Variants in CEP192 observed in about 807,000 individuals in gnomAD.
CEP192 encodes the protein centrosomal protein 192.
Under a neutral mutation model 271.8 loss-of-function variants are expected in CEP192, and 151 were observed. The ratio of observed to expected loss-of-function variants is 0.56; its 90% CI spans 0.49 to 0.64. The LOEUF (loss-of-function observed/expected upper bound fraction) is 0.64, where lower values mean the gene tolerates loss of function less well. Among genes scored for constraint, CEP192 ranks in the 30% least tolerant of loss-of-function variants. CEP192 has a pLI of 0.00. For missense variants in CEP192, 2,910 were observed against 3,020.5 expected, an observed-to-expected ratio of 0.96 and a Z score of 0.86; for synonymous variants, 995 against 1,076.5, an observed-to-expected ratio of 0.92 and a Z score of 1.48.
At chr18:12,991,588 A>AG (rs2032849947) in intron 1 of CEP192, among the ~76,000 whole-genome samples, 151 bp downstream of exon 1, 3 of 152,260 alleles carry the variant, frequency 2.0e-5, no homozygotes, top group African/African-American at 7.2e-5. Flanking sequence ...GGCGCGAGCA[A>AG]GGGGACTGCC....
At chr18:13,034,956 A>G (rs972132267) in intron 11 of CEP192, among the ~76,000 whole-genome samples, 2 of 152,112 alleles carry the variant, frequency 1.3e-5, no homozygotes, top group Non-Finnish European at 2.9e-5. Context: ...TGGGGGAAAC[A>G]CAAATGGGCT....
rs2037794573 is a variant in CEP192 at position 13,067,874 on chromosome 18, C to T, written c.4532C>T (p.Thr1511Ile). The stretch of plus-strand genomic sequence containing the variant: ...GACGTTCTTGATTTTGGTGACTTGA[C>T]TTATGGAGGCTGGAAAGCCCTCCCA... ...KKDVLDFGDL[T>I]YGGWKALPLK... Residue 1511 changes from threonine (T) to isoleucine (I), a missense_variant, in exon 22 of 45, where the codon ACT becomes ATT. Physicochemically the swap from Thr to Ile is moderately conservative, Grantham distance 89. Transcript: ENST00000506447. The T allele has an allele frequency of 6.2e-7, 1 of 1,612,588 alleles. No homozygotes were observed. The highest frequency in any genetic ancestry group is 1.3e-5 in the African/African-American group (1 of 74,910).
chr18:13,002,304 G>C (rs1397618487), intron 3 of CEP192, among the ~76,000 whole-genome samples: 3 of 139,310 alleles, frequency 2.2e-5, no homozygotes, highest in African/African-American at 8.6e-5. Context: ...TACAAAATAA[G>C]ATTAAGCTCT....
intron 3 of CEP192, among the ~76,000 whole-genome samples, chr18:13,003,472 A>G (rs2033783338): frequency 7.2e-6 from 1 of 138,546 alleles, no homozygotes; most frequent in Non-Finnish European, 1.6e-5. Context: ...AAAAAAAAAA[A>G]GAAGATATGA....
chr18:13,079,743 TTTC>T (rs2038490686), intron 30 of CEP192, among the ~76,000 whole-genome samples: 1 of 152,210 alleles, frequency 6.6e-6, no homozygotes, highest in Non-Finnish European at 1.5e-5. Context: ...TTGCCTAGGT[TTTC>T]TTCTAGGGTT....
At chr18:13,048,218 T>G (rs760113739) in intron 15 of CEP192, among the ~76,000 whole-genome samples, 1 of 152,218 alleles carries the variant, frequency 6.6e-6, no homozygotes, top group African/African-American at 2.4e-5. Context: ...TTATATGTCT[T>G]TCTTAGTAGC....
Position 13,095,592 on chromosome 18 carries a change from G to A in CEP192, c.6344G>A (p.Arg2115Gln), listed in dbSNP as rs56913743. The A allele has an allele frequency of 0.14, 219,277 of 1,613,848 alleles. 16,592 individuals are homozygous for A. The highest frequency in any genetic ancestry group is 0.29 in the East Asian group (12,893 of 44,846). Residue 2115 changes from arginine to glutamine, a missense_variant, in exon 35 of 45, where the codon CGG (arginine) becomes CAG (glutamine). Coordinates refer to ENST00000506447, the MANE Select transcript of CEP192 (RefSeq NM_032142.4). ...CCTCAGGGTTCTCCTCTTCTCTCACGGGCGGCTCGCCCGCCTCTGGATCAG... is the reference window on the plus strand; with the variant it reads ...CCTCAGGGTTCTCCTCTTCTCTCACAGGCGGCTCGCCCGCCTCTGGATCAG... ...KGPQGSPLLS[R>Q]AARPPLDQLA...
intron 9 of CEP192, among the ~76,000 whole-genome samples, chr18:13,023,982 A>G (rs1023811027): frequency 3.9e-5 from 6 of 152,094 alleles, no homozygotes; most frequent in Admixed American, 1.3e-4. Flanking sequence ...TTTTGGGTGA[A>G]GTATTCCATA....
rs949764288 is a variant in CEP192, at chr18:13,117,723, C to T, written c.7475+80C>T. 8.8e-6 allele frequency: 9 copies of T among 1,022,452 alleles called. No individual in the cohort carries two copies. The African/African-American group carries it at 1.1e-4, about 13-fold the overall frequency. The allele number at this position is 1,022,452 out of a possible 1,614,324, so 63.3% of individuals were successfully genotyped here. On this transcript the variant is annotated intron_variant, in intron 44 of 44. Transcript: ENST00000506447. ...TTGGGAGTTGGGGCTTGTGAGGTCT[C>T]CTCTGCTGCAGGTCCTCCATATTCC...
intron 18 of CEP192, among the ~76,000 whole-genome samples, chr18:13,053,752 C>T (rs897817229): frequency 3.9e-5 from 6 of 152,134 alleles, no homozygotes; most frequent in African/African-American, 1.4e-4. Context: ...TATGGTGGCA[C>T]GATCACAGCT....
intron 34 of CEP192, among the ~76,000 whole-genome samples, chr18:13,093,687 C>T (rs2039256016): frequency 1.3e-5 from 2 of 152,204 alleles, no homozygotes; most frequent in South Asian, 4.1e-4. Flanking sequence ...AAATGAAGAG[C>T]TATATTGAGC....
At chr18:13,091,200 G>A (rs547243488) in intron 33 of CEP192, among the ~76,000 whole-genome samples, 5 of 152,338 alleles carry the variant, frequency 3.3e-5, no homozygotes, top group South Asian at 4.1e-4. Flanking sequence ...AGACCAGAAT[G>A]AGGAAGAATG....
rs1191877648 is a variant in CEP192, at chr18:13,017,308, T to C, written c.761T>C (p.Phe254Ser). The change falls in exon 7 of 45, where the codon TTT (phenylalanine) becomes TCT (serine). Residue 254 changes from phenylalanine (F) to serine (S), a missense_variant. By Grantham distance (155) the Phe-to-Ser change is radical. Transcript: ENST00000506447. ...LEGPEPPEKG[F>S]KLPTNGLRQA... ...GGACCAGAACCTCCAGAAAAAGGTTTTAAGTTACCTACAAATGGTCTTAGA... is the reference window on the plus strand; with the variant it reads ...GGACCAGAACCTCCAGAAAAAGGTTCTAAGTTACCTACAAATGGTCTTAGA... The C allele has an allele frequency of 1.3e-6, 2 of 1,546,454 alleles. No individual in the cohort carries two copies.
Position 13,103,489 on chromosome 18 carries a change from GAT to G in CEP192, c.6872-15_6872-14del. ...TCCAGTCTCTCCGAGTTTGAGTTAT[GAT>G]ATATGTGTTCCTTTTAGAGAGCTGT... On this transcript the variant is annotated intron_variant, in intron 38 of 44. Transcript: ENST00000506447. 1 of 1,598,142 alleles carries G rather than the reference GAT, an allele frequency of 6.3e-7. No individual in the cohort carries two copies. The highest frequency in any genetic ancestry group is 1.7e-4 in the Middle Eastern group (1 of 6,042).
At chr18:13,101,227 C>T (rs1219286894) in intron 38 of CEP192, among the ~76,000 whole-genome samples, 2 of 152,208 alleles carry the variant, frequency 1.3e-5, no homozygotes, top group Admixed American at 6.5e-5. Flanking sequence ...CAGTAAATGA[C>T]ATGAGATATT....
At chr18:13,030,277 G>T (rs1465472362) in intron 10 of CEP192, among the ~76,000 whole-genome samples, 188 bp from the exon 11 acceptor site, 4 of 152,052 alleles carry the variant, frequency 2.6e-5, no homozygotes. Flanking sequence ...GAGTAAGGCT[G>T]GCTTGCTTTC....
In CEP192 at chr18:12,991,447, G is replaced by T. The variant is rs569601864; in HGVS notation, c.-5+10G>T. ...CGGGGACGCGGGCTCGGTGAGGGGGGACGCTGGTGCCTCGGCCTGCGCCTA... is the reference window on the plus strand; with the variant it reads ...CGGGGACGCGGGCTCGGTGAGGGGGTACGCTGGTGCCTCGGCCTGCGCCTA... On this transcript the variant is annotated intron_variant, in intron 1 of 44. Coordinates refer to ENST00000506447, the MANE Select transcript of CEP192 (RefSeq NM_032142.4). 6.5e-6 allele frequency: 1 copy of T among 153,100 alleles called. No homozygotes were observed. Among genetic ancestry groups the T allele is most frequent in the Non-Finnish European group, 1.5e-5 (1 of 68,660 alleles). 9.5% of individuals were successfully genotyped at this position (153,100 alleles called of 1,614,324 possible).
Position 13,100,430 on chromosome 18 carries a change from A to G in CEP192, c.6789A>G (p.Pro2263=), listed in dbSNP as rs753882770. The G allele has an allele frequency of 2.5e-6, 4 of 1,614,120 alleles. No homozygotes were observed. In the Admixed American group the frequency reaches 5.0e-5, roughly 20 times the overall value. ...CTTCAGTTAGTCATTTGGTCAAACC[A>G]ATGACAAAACCGCCTTCCACAAAAG... ...SEPSVSHLVK[P]MTKPPSTKVE... is the part of the protein sequence containing the mutation. The change falls in exon 38 of 45, where the codon CCA becomes CCG. Residue 2263 remains proline, a synonymous_variant. Coordinates refer to ENST00000506447, the MANE Select transcript of CEP192 (RefSeq NM_032142.4).
chr18:13,015,432 C>A lies in CEP192; in HGVS notation c.624C>A (p.Ser208Arg). 2 of 1,551,272 alleles carry A rather than the reference C, an allele frequency of 1.3e-6. No homozygotes were observed. Among genetic ancestry groups the A allele is most frequent in the Non-Finnish European group, 1.7e-6 (2 of 1,146,704 alleles). The change falls in exon 6 of 45, where the codon AGC becomes AGA. Residue 208 changes from serine to arginine, a missense_variant. Ser to Arg is a moderately radical substitution (Grantham distance 110). Coordinates refer to ENST00000506447, the MANE Select transcript of CEP192 (RefSeq NM_032142.4). ...ATGAGAAACTTATCTTACCGACAAG[C>A]TTGGAAGATTCTTCTGGTACTGCAG... Reference protein sequence around the residue: ...LENEKLILPTSLEDSSDDDID... With the variant: ...LENEKLILPTRLEDSSDDDID...
Sources: gnomAD v4.1 joint callset for allele counts (sites outside exome capture counted in the v4.1 genomes callset) on GRCh38, gnomAD v4.1.1 for gene constraint, MANE v1.5 for transcripts, NCBI Gene and HGNC (gene_info 2026-07-23, HGNC 2026-07-21) for gene names.